GABBR2: variants seen among roughly 807,000 people sequenced by gnomAD.
GABBR2 encodes the protein gamma-aminobutyric acid type B receptor subunit 2.
A neutral mutation model predicts 105.6 loss-of-function variants in GABBR2; 23 were observed. That is an observed-to-expected ratio of 0.22 (90% CI 0.16 to 0.31). The LOEUF is 0.31. Ranked by LOEUF, GABBR2 falls within the 10% of genes least tolerant of loss-of-function variation. The pLI is 1.00. For missense variants in GABBR2, 734 were observed against 1,245.5 expected (o/e 0.59, Z 6.18); for synonymous variants, 478 against 499.7 (o/e 0.96, Z 0.58).
intron 3 of GABBR2, among the ~76,000 whole-genome samples, chr9:98,515,327 G>A (rs7857375): frequency 0.32 from 48,989 of 152,014 alleles, 8,128 homozygotes; most frequent in Non-Finnish European, 0.33. Context: ...GCTTCAGGCC[G>A]CTCCATAAGC....
chr9:98,565,517 G>A (rs1455021249), intron 2 of GABBR2, among the ~76,000 whole-genome samples: 1 of 152,120 alleles, frequency 6.6e-6, no homozygotes, highest in African/African-American at 2.4e-5. Flanking sequence ...CTTACACAGG[G>A]GCCCACAAGG....
chr9:98,675,223 C>T (rs549871361), intron 1 of GABBR2, among the ~76,000 whole-genome samples: 2 of 152,150 alleles, frequency 1.3e-5, no homozygotes, highest in Admixed American at 6.5e-5. Context: ...CCAGCAAGCA[C>T]GGCAGGATGG....
intron 1 of GABBR2, among the ~76,000 whole-genome samples, chr9:98,578,947 G>C (rs776737576): frequency 3.6e-4 from 55 of 152,290 alleles, no homozygotes; most frequent in African/African-American, 1.3e-3. Context: ...GTGGTTGCCC[G>C]GGGCTGGGGG....
intron 15 of GABBR2, among the ~76,000 whole-genome samples, chr9:98,304,795 G>T (rs1298400792): frequency 1.7e-5 from 2 of 119,604 alleles, no homozygotes; most frequent in Admixed American, 1.8e-4. Context: ...GGCGGGTAAA[G>T]GGTCTCACTC....
intron 7 of GABBR2, among the ~76,000 whole-genome samples, chr9:98,412,314 G>A (rs1832605424): frequency 6.6e-6 from 1 of 152,262 alleles, no homozygotes; most frequent in Non-Finnish European, 1.5e-5. Flanking sequence ...AGTCTCTGCA[G>A]ATCACAGTGT....
At chr9:98,627,231 A>G (rs1829751059) in intron 1 of GABBR2, among the ~76,000 whole-genome samples, 1 of 152,126 alleles carries the variant, frequency 6.6e-6, no homozygotes, top group Admixed American at 6.5e-5. Flanking sequence ...TCTGTGAATA[A>G]GCTAGTGAGA....
chr9:98,343,710 T>G (rs1205688167), intron 13 of GABBR2, among the ~76,000 whole-genome samples: 1 of 151,864 alleles, frequency 6.6e-6, no homozygotes, highest in East Asian at 1.9e-4. Context: ...ATACAAAAAT[T>G]AGCCGGGTAT....
At chr9:98,322,898 G>A (rs1037958742) in intron 13 of GABBR2, among the ~76,000 whole-genome samples, 7 of 151,762 alleles carry the variant, frequency 4.6e-5, no homozygotes, top group African/African-American at 1.7e-4. Flanking sequence ...TTCCGCTATC[G>A]CCCCCACCCC....
intron 6 of GABBR2, among the ~76,000 whole-genome samples, chr9:98,472,627 A>AAT (rs1554709485): frequency 1.3e-5 from 2 of 152,234 alleles, no homozygotes; most frequent in African/African-American, 2.4e-5. Flanking sequence ...GGCCCCTAAA[A>AAT]ATATATATCC....
chr9:98,384,168 G>A (rs957105504), intron 11 of GABBR2, among the ~76,000 whole-genome samples: 1 of 152,146 alleles, frequency 6.6e-6, no homozygotes, highest in African/African-American at 2.4e-5. Context: ...CTGCATGTGG[G>A]ACTCTAAAGA....
At chr9:98,695,952 C>A (rs535942457) in intron 1 of GABBR2, among the ~76,000 whole-genome samples, 1 of 152,330 alleles carries the variant, frequency 6.6e-6, no homozygotes, top group East Asian at 1.9e-4. Context: ...TTACTGAGCA[C>A]CTACTATGTG....
chr9:98,491,866 C>T (rs969794781), intron 4 of GABBR2, among the ~76,000 whole-genome samples: 3 of 152,090 alleles, frequency 2.0e-5, no homozygotes, highest in Non-Finnish European at 4.4e-5. Context: ...CCATGGGTTC[C>T]AATGATCCCT....
chr9:98,545,883 G>GATGCT (rs1828389300), intron 2 of GABBR2, among the ~76,000 whole-genome samples: 1 of 152,138 alleles, frequency 6.6e-6, no homozygotes, highest in African/African-American at 2.4e-5. Context: ...GGCATCACCA[G>GATGCT]GGCTGTTAGC....
chr9:98,479,874 C>A (rs1826877594), intron 5 of GABBR2, among the ~76,000 whole-genome samples: 1 of 152,172 alleles, frequency 6.6e-6, no homozygotes, highest in Non-Finnish European at 1.5e-5. Flanking sequence ...CTTCTCAACA[C>A]ACAGTACTCC....
chr9:98,436,384 T>TACACACACACACC (rs1170118214), intron 7 of GABBR2, among the ~76,000 whole-genome samples: 3 of 48,538 alleles, frequency 6.2e-5, no homozygotes, highest in African/African-American at 2.1e-4. Context: ...TATATATATA[T>TACACACACACACC]ATATATATAT....
intron 3 of GABBR2, among the ~76,000 whole-genome samples, chr9:98,513,723 G>C (rs1332670838): frequency 2.0e-5 from 3 of 152,180 alleles, no homozygotes; most frequent in Non-Finnish European, 4.4e-5. Context: ...TCTCACACCA[G>C]TTAGAATGGC....
intron 1 of GABBR2, among the ~76,000 whole-genome samples, chr9:98,615,531 C>A (rs935283056): frequency 5.9e-5 from 9 of 152,140 alleles, no homozygotes; most frequent in African/African-American, 2.2e-4. Context: ...TCCTCCCCAC[C>A]CCCAGGATAT....
Position 98,365,986 on chromosome 9 carries a change from C to T in GABBR2, c.1771-3149G>A, listed in dbSNP as rs141951557. On this transcript the variant is annotated intron_variant, in intron 12 of 18. Coordinates refer to ENST00000259455, the MANE Select transcript of GABBR2 (RefSeq NM_005458.8). ...CTGATGCTATCACATGCAGTCCTCT[C>T]TCTGTGGGTAGGAGGTACTTAGTGG... Among the ~76,000 whole-genome samples, 794 of 152,336 alleles carry T rather than the reference C, an allele frequency of 5.2e-3. 5 individuals carry two copies. The highest frequency in any genetic ancestry group is 0.024 in the Middle Eastern group (7 of 294).
At chr9:98,377,134 C>A (rs1253736961) in intron 11 of GABBR2, among the ~76,000 whole-genome samples, 1 of 151,478 alleles carries the variant, frequency 6.6e-6, no homozygotes, top group Non-Finnish European at 1.5e-5. Context: ...AGAGGCCTTT[C>A]TTCCTGTTCC....
Sources: allele counts gnomAD v4.1 joint callset (sites outside exome capture counted in the v4.1 genomes callset), GRCh38; gene constraint gnomAD v4.1.1; transcripts MANE v1.5; gene names NCBI Gene and HGNC (gene_info 2026-07-23, HGNC 2026-07-21).